Variants in AUTS2 observed in about 807,000 individuals in gnomAD.
AUTS2 encodes the protein activator of transcription and developmental regulator AUTS2.
A neutral mutation model predicts 112.4 loss-of-function variants in AUTS2; 17 were observed. The observed-to-expected ratio is 0.15, with a 90% CI of 0.10 to 0.23. The LOEUF is 0.23. AUTS2 is among the 10% of genes least tolerant of loss of function. AUTS2 has a pLI of 1.00. For synonymous variants in AUTS2, 751 were observed against 702.7 expected, an observed-to-expected ratio of 1.07 and a Z score of -1.09; for missense variants, 1,510 against 1,701.6, an observed-to-expected ratio of 0.89 and a Z score of 1.98.
chr7:69,891,704 GTTGTA>G (rs1228524976), intron 1 of AUTS2, among the ~76,000 whole-genome samples: 11 of 133,588 alleles, frequency 8.2e-5, no homozygotes, highest in Admixed American at 6.3e-4. Context: ...GTGGTTTTAA[GTTGTA>G]TTTCCCTAAT....
At position 70,385,922 on chromosome 7, in the gene AUTS2, A is replaced by G. The variant is rs547059361; in HGVS notation, c.661-49830A>G. ...CCAGTTTCACCACTTTCTTGTTTCTACTCAACAGTATGGTTACTTACAACA... is the reference window on the plus strand; with the variant it reads ...CCAGTTTCACCACTTTCTTGTTTCTGCTCAACAGTATGGTTACTTACAACA... On this transcript the variant is annotated intron_variant, in intron 4 of 18. Coordinates refer to ENST00000342771, the MANE Select transcript of AUTS2 (RefSeq NM_015570.4). Among the ~76,000 whole-genome samples the G allele has an allele frequency of 9.0e-4, 137 of 152,124 alleles. 1 individual carries two copies. The highest frequency in any genetic ancestry group is 3.2e-3 in the African/African-American group (131 of 41,472).
At position 70,648,024 on chromosome 7, in the gene AUTS2, C is replaced by T. The variant is rs114273664; in HGVS notation, c.691-50545C>T. ...AATAGCTGAGTGATGACGGCATGTA[C>T]ACTCAGCATTGCTTAGCCTTGGGCA... On this transcript the variant is annotated intron_variant, in intron 5 of 18. Transcript: ENST00000342771. Among the ~76,000 whole-genome samples the T allele has an allele frequency of 2.6e-3, 392 of 152,268 alleles. 2 individuals carry two copies. Among genetic ancestry groups the T allele is most frequent in the African/African-American group, 9.1e-3 (379 of 41,544 alleles).
intron 2 of AUTS2, among the ~76,000 whole-genome samples, chr7:70,076,714 A>ATCACCC (rs1803052863): frequency 6.6e-6 from 1 of 152,224 alleles, no homozygotes. Context: ...GTAAGATCCC[A>ATCACCC]AAAGGCCTTA....
At chr7:70,047,355 A>T (rs566290101) in intron 2 of AUTS2, among the ~76,000 whole-genome samples, 74 of 152,290 alleles carry the variant, frequency 4.9e-4, no homozygotes, top group Non-Finnish European at 1.9e-4. Context: ...CTCACAGGGG[A>T]TACACACTAA....
At chr7:70,117,104 G>GTTTTGTTTTTTTTTTTTTTTT (rs1562710088) in intron 2 of AUTS2, among the ~76,000 whole-genome samples, 1 of 78,460 alleles carries the variant, frequency 1.3e-5, no homozygotes, top group Non-Finnish European at 2.7e-5. Context: ...GATGACTTTT[G>GTTTTGTTTTTTTTTTTTTTTT]TTTTTTTTTT....
At chr7:69,734,010 G>A (rs1236829728) in intron 1 of AUTS2, among the ~76,000 whole-genome samples, 1 of 152,076 alleles carries the variant, frequency 6.6e-6, no homozygotes, top group Admixed American at 6.5e-5. Context: ...GATTTATAAT[G>A]CAATAGCTCT....
chr7:70,684,414 C>G (rs1765150686), intron 5 of AUTS2, among the ~76,000 whole-genome samples: 1 of 152,118 alleles, frequency 6.6e-6, no homozygotes, highest in African/African-American at 2.4e-5. Flanking sequence ...GATCTTAAAA[C>G]CTCTCTAGAG....
chr7:70,736,055 A>G (rs1014155019), intron 6 of AUTS2, among the ~76,000 whole-genome samples: 2 of 148,442 alleles, frequency 1.3e-5, no homozygotes, highest in Admixed American at 6.8e-5. Flanking sequence ...TGTGTGTATA[A>G]CTATAACAAT....
intron 2 of AUTS2, among the ~76,000 whole-genome samples, chr7:70,116,354 G>C (rs1805356622): frequency 6.6e-6 from 1 of 152,218 alleles, no homozygotes; most frequent in African/African-American, 2.4e-5. Context: ...AGCTGACTCT[G>C]TGAATGGTAT....
chr7:69,798,336 G>A (rs1214763558), intron 1 of AUTS2, among the ~76,000 whole-genome samples: 1 of 152,084 alleles, frequency 6.6e-6, no homozygotes, highest in African/African-American at 2.4e-5. Flanking sequence ...ACATGACTGG[G>A]GCTCTCCTTG....
At chr7:70,262,707 A>G (rs1787228226) in intron 4 of AUTS2, among the ~76,000 whole-genome samples, 1 of 152,252 alleles carries the variant, frequency 6.6e-6, no homozygotes, top group African/African-American at 2.4e-5. Context: ...AATGTAAAAA[A>G]TAGAATTATG....
intron 1 of AUTS2, among the ~76,000 whole-genome samples, chr7:69,670,203 T>C (rs1796252190): frequency 6.6e-6 from 1 of 152,140 alleles, no homozygotes; most frequent in Non-Finnish European, 1.5e-5. Context: ...GGAAATGACC[T>C]TTTCATGCAC....
intron 1 of AUTS2, among the ~76,000 whole-genome samples, chr7:69,690,915 A>T (rs1414196613): frequency 6.6e-6 from 1 of 152,088 alleles, no homozygotes; most frequent in Non-Finnish European, 1.5e-5. Context: ...TAAGTGACAG[A>T]AGAGCTCTTA....
chr7:70,528,104 T>TTA (rs71754054), intron 5 of AUTS2, among the ~76,000 whole-genome samples: 19,409 of 121,080 alleles, frequency 0.16, 1,836 homozygotes, highest in Admixed American at 0.23. Context: ...TTTTTTTTTT[T>TTA]TTTTTTTTTT....
At chr7:70,668,481 G>T (rs927565625) in intron 5 of AUTS2, among the ~76,000 whole-genome samples, 3 of 152,198 alleles carry the variant, frequency 2.0e-5, no homozygotes, top group Non-Finnish European at 4.4e-5. Flanking sequence ...CACAGTGCTT[G>T]CCCTGAATGA....
At chr7:69,957,212 CTG>C (rs1797250708) in intron 2 of AUTS2, among the ~76,000 whole-genome samples, 1 of 151,946 alleles carries the variant, frequency 6.6e-6, no homozygotes, top group Non-Finnish European at 1.5e-5. Flanking sequence ...ATCAAAGAAA[CTG>C]TGGAATGAGA....
chr7:69,883,697 G>A (rs1263502973), intron 1 of AUTS2, among the ~76,000 whole-genome samples: 1 of 152,078 alleles, frequency 6.6e-6, no homozygotes, highest in Non-Finnish European at 1.5e-5. Context: ...CTCAATTTTT[G>A]CTCCCAAACT....
intron 5 of AUTS2, among the ~76,000 whole-genome samples, chr7:70,642,067 G>T (rs965571361): frequency 6.6e-6 from 1 of 152,198 alleles, no homozygotes. Context: ...GTGCATGTAA[G>T]TTCTAATTTC....
At chr7:70,016,181 G>A (rs1476308934) in intron 2 of AUTS2, among the ~76,000 whole-genome samples, 2 of 152,102 alleles carry the variant, frequency 1.3e-5, no homozygotes, top group African/African-American at 4.8e-5. Flanking sequence ...GAGTTTCAGT[G>A]GTCAAGGGAA....
Sources: gnomAD v4.1 joint callset for allele counts (sites outside exome capture counted in the v4.1 genomes callset) on GRCh38, gnomAD v4.1.1 for gene constraint, MANE v1.5 for transcripts, NCBI Gene and HGNC (gene_info 2026-07-23, HGNC 2026-07-21) for gene names.